Variants in UGT1A6 observed in about 807,000 individuals in gnomAD.
UGT1A6 encodes the protein UDP-glucuronosyltransferase 1A6.
Under a neutral mutation model 44.4 loss-of-function variants are expected in UGT1A6, and 32 were observed. The observed-to-expected ratio is 0.72, with a 90% CI of 0.54 to 0.97. The LOEUF (loss-of-function observed/expected upper bound fraction) is 0.97, where lower values mean the gene tolerates loss of function less well. Among genes scored for constraint, UGT1A6 ranks in the 50% least tolerant of loss-of-function variants. The probability of loss-of-function intolerance (pLI) is 0.00; values close to 1 mark genes in which losing one functional copy is unlikely to be tolerated. For missense variants in UGT1A6, 685 were observed against 661.9 expected, an observed-to-expected ratio of 1.03 and a Z score of -0.38; for synonymous variants, 238 against 248.5, an observed-to-expected ratio of 0.96 and a Z score of 0.40.
chr2:233,724,621 C>T (rs1346107086), intron 1 of UGT1A6, among the ~76,000 whole-genome samples: 1 of 138,572 alleles, frequency 7.2e-6, no homozygotes, highest in African/African-American at 2.8e-5. Flanking sequence ...CAGAGACGCT[C>T]CTCACTTCCT....
In UGT1A6 at chr2:233,755,313, G is replaced by A. The variant is rs565914238; in HGVS notation, c.862-11721G>A. 9.1e-5 allele frequency: 50 copies of A among 549,068 alleles called. 1 individual carries two copies. The highest frequency in any genetic ancestry group is 7.5e-4 in the South Asian group (41 of 54,588). The allele number at this position is 549,068 out of a possible 1,614,324, so 34.0% of individuals were successfully genotyped here. On this transcript the variant is annotated intron_variant, in intron 1 of 4. Transcript: ENST00000305139. Reference sequence around the variant, plus strand: ...CTGCGGGGCACTGGCACAGCGAGCGGCAAGGCTGCCAGCACCCGCGCACAG... The same window carrying A: ...CTGCGGGGCACTGGCACAGCGAGCGACAAGGCTGCCAGCACCCGCGCACAG...
intron 1 of UGT1A6, chr2:233,738,809 G>T (rs149365680): frequency 6.6e-6 from 1 of 152,200 alleles, no homozygotes; most frequent in Non-Finnish European, 1.5e-5. Context: ...ACTAGCTAAA[G>T]AAATTTGAAT....
At chr2:233,724,744 A>T (rs2077304128) in intron 1 of UGT1A6, among the ~76,000 whole-genome samples, 2 of 143,018 alleles carry the variant, frequency 1.4e-5, no homozygotes, top group South Asian at 5.1e-4. Context: ...GGCTCCTCAC[A>T]TCCCAGACGA....
intron 1 of UGT1A6, among the ~76,000 whole-genome samples, chr2:233,723,397 A>G (rs1363252686): frequency 3.9e-5 from 5 of 128,818 alleles, no homozygotes; most frequent in Non-Finnish European, 7.9e-5. Context: ...TTTAGTAGAG[A>G]TGGGGTTTCA....
chr2:233,719,718 T>C, intron 1 of UGT1A6: 1 of 1,613,900 alleles, frequency 6.2e-7, no homozygotes, highest in Non-Finnish European at 8.5e-7. Flanking sequence ...CCAATCAATG[T>C]TCCAGGCAAA....
intron 1 of UGT1A6, chr2:233,743,575 G>A (rs1692358065): frequency 7.3e-7 from 1 of 1,367,206 alleles, no homozygotes; most frequent in East Asian, 4.5e-5. Flanking sequence ...GGTTTCCCAA[G>A]AGGTCAAAGG....
intron 1 of UGT1A6, chr2:233,721,510 A>T (rs186702704): frequency 1.1e-3 from 179 of 168,498 alleles, no homozygotes; most frequent in African/African-American, 4.2e-3. Context: ...CATTTATTTT[A>T]TGCTGAATTT....
At chr2:233,753,889 A>G (rs1695337033) in intron 1 of UGT1A6, among the ~76,000 whole-genome samples, 1 of 152,212 alleles carries the variant, frequency 6.6e-6, no homozygotes, top group Non-Finnish European at 1.5e-5. Context: ...AGCCTTCAGA[A>G]GGAACATGCT....
At position 233,734,224 on chromosome 2, in the gene UGT1A6, G is replaced by T. The variant is rs1427177623; in HGVS notation, c.862-32810G>T. ...AGAGCCTGTTGTTGGTCTATTCAGAGATTCAACTTCTTCCTGCTTTAGTCT... is the reference window on the plus strand; with the variant it reads ...AGAGCCTGTTGTTGGTCTATTCAGATATTCAACTTCTTCCTGCTTTAGTCT... On this transcript the variant is annotated intron_variant, in intron 1 of 4. Coordinates refer to ENST00000305139, the MANE Select transcript of UGT1A6 (RefSeq NM_001072.4). 2.6e-5 allele frequency among the ~76,000 whole-genome samples: 4 copies of T among 152,156 alleles called. No individual in the cohort carries two copies. The East Asian group carries it at 5.8e-4, about 22-fold the overall frequency.
At chr2:233,708,554 C>T (rs1000244993) in intron 1 of UGT1A6, 1 of 152,110 alleles carries the variant, frequency 6.6e-6, no homozygotes, top group Non-Finnish European at 1.5e-5. Flanking sequence ...GAGTTTGAGA[C>T]CAGCCTAGGC....
intron 1 of UGT1A6, chr2:233,753,227 G>C (rs1159268565): frequency 6.6e-6 from 1 of 152,106 alleles, no homozygotes; most frequent in Non-Finnish European, 1.5e-5. Flanking sequence ...GATACTTCTT[G>C]TATAGTTATT....
rs62191899 is a variant in UGT1A6 at position 233,718,862 on chromosome 2, A to G, written c.861+24997A>G. On this transcript the variant is annotated intron_variant, in intron 1 of 4. Coordinates refer to ENST00000305139, the MANE Select transcript of UGT1A6 (RefSeq NM_001072.4). ...AGGTTCCCCTGCCGCGGCTGGCCACAGGACTGCTGCTCCTCCTCAGTGTCC... is the reference window on the plus strand; with the variant it reads ...AGGTTCCCCTGCCGCGGCTGGCCACGGGACTGCTGCTCCTCCTCAGTGTCC... 3,156 of 1,613,830 alleles carry G rather than the reference A, an allele frequency of 2.0e-3. 12 individuals carry two copies. The highest frequency in any genetic ancestry group is 2.2e-3 in the Non-Finnish European group (2,611 of 1,179,922).
At chr2:233,755,038 C>T (rs751084795) in intron 1 of UGT1A6, 123 of 1,320,106 alleles carry the variant, frequency 9.3e-5, no homozygotes, top group Admixed American at 3.2e-4. Flanking sequence ...CTGCCGCCTG[C>T]GCAGCCGCCC....
intron 1 of UGT1A6, among the ~76,000 whole-genome samples, chr2:233,710,543 A>G (rs2076136295): frequency 6.6e-6 from 1 of 152,198 alleles, no homozygotes; most frequent in Admixed American, 6.5e-5. Flanking sequence ...CTTATTGATC[A>G]TATGCCTGTT....
intron 1 of UGT1A6, among the ~76,000 whole-genome samples, chr2:233,758,755 T>C (rs1329338381): frequency 1.3e-5 from 2 of 152,208 alleles, no homozygotes; most frequent in African/African-American, 4.8e-5. Flanking sequence ...TGGCCAGTGA[T>C]GTGTATGGTT....
chr2:233,716,735 C>T (rs1224008682), intron 1 of UGT1A6, among the ~76,000 whole-genome samples: 3 of 152,158 alleles, frequency 2.0e-5, no homozygotes, highest in Non-Finnish European at 1.5e-5. Flanking sequence ...ATGTTTAGCT[C>T]TGTGAGATTG....
chr2:233,749,939 T>C (rs1438530093), intron 1 of UGT1A6, among the ~76,000 whole-genome samples: 1 of 151,928 alleles, frequency 6.6e-6, no homozygotes, highest in African/African-American at 2.4e-5. Context: ...CTTTCCTTTA[T>C]GAATTACCGA....
chr2:233,724,273 T>C (rs1575551311), intron 1 of UGT1A6, among the ~76,000 whole-genome samples: 1 of 120,344 alleles, frequency 8.3e-6, no homozygotes, highest in African/African-American at 3.2e-5. Context: ...ACGGGGCGGC[T>C]GGCCGGGCGG....
At chr2:233,742,280 A>G (rs1486280024) in intron 1 of UGT1A6, among the ~76,000 whole-genome samples, 2 of 152,020 alleles carry the variant, frequency 1.3e-5, no homozygotes, top group Non-Finnish European at 2.9e-5. Flanking sequence ...GATAAGCATC[A>G]TTTCTATAGA....
Sources: gnomAD v4.1 joint callset for allele counts (sites outside exome capture counted in the v4.1 genomes callset) on GRCh38, gnomAD v4.1.1 for gene constraint, MANE v1.5 for transcripts, NCBI Gene and HGNC (gene_info 2026-07-23, HGNC 2026-07-21) for gene names.